SPPL3: variants seen among roughly 807,000 people sequenced by gnomAD.
SPPL3 encodes signal peptide peptidase-like 3.
SPPL3 carries 5 observed loss-of-function variants against 42.4 expected under a neutral mutation model. That is an observed-to-expected ratio of 0.12 (90% CI 0.06 to 0.25). The LOEUF (loss-of-function observed/expected upper bound fraction) is 0.25, where lower values mean the gene tolerates loss of function less well. Among genes scored for constraint, SPPL3 ranks in the 10% least tolerant of loss-of-function variants. The probability of loss-of-function intolerance (pLI) is 1.00; values close to 1 mark genes in which losing one functional copy is unlikely to be tolerated. For missense variants in SPPL3, 235 were observed against 489.0 expected (o/e 0.48, Z 4.90); for synonymous variants, 195 against 181.8 (o/e 1.07, Z -0.58).
rs527329471 is a variant in SPPL3, at chr12:120,807,333, T to C, written c.101+3476A>G. On this transcript the variant is annotated intron_variant, in intron 2 of 10. Coordinates refer to ENST00000353487, the MANE Select transcript of SPPL3 (RefSeq NM_139015.5). Reference sequence around the variant, plus strand: ...AAAATGGTTTAAATGGTACATTTTATGTTATATATATTTTACCACAATAAA... The same window carrying C: ...AAAATGGTTTAAATGGTACATTTTACGTTATATATATTTTACCACAATAAA... Among the ~76,000 whole-genome samples, 138 of 152,242 alleles carry C rather than the reference T, an allele frequency of 9.1e-4. No individual in the cohort carries two copies. The South Asian group carries it at 0.012, about 14-fold the overall frequency.
At chr12:120,823,228 G>GA (rs1166703015) in intron 1 of SPPL3, among the ~76,000 whole-genome samples, 6 of 126,642 alleles carry the variant, frequency 4.7e-5, no homozygotes, top group Admixed American at 4.1e-4. Flanking sequence ...GGGGTGGGGG[G>GA]GCGGCGGCGG....
At chr12:120,847,945 G>A (rs1454374701) in intron 1 of SPPL3, among the ~76,000 whole-genome samples, 1 of 152,074 alleles carries the variant, frequency 6.6e-6, no homozygotes, top group East Asian at 1.9e-4. Flanking sequence ...CACAAGTTTG[G>A]GGAGAGAGTG....
At chr12:120,765,136 T>TA in intron 10 of SPPL3, 66 bp from the exon 11 acceptor site, 14 of 1,515,306 alleles carry the variant, frequency 9.2e-6, no homozygotes, top group South Asian at 1.2e-5. Flanking sequence ...GTCTGATTCT[T>TA]TAAAAAAAAA....
chr12:120,784,151 C>A, intron 4 of SPPL3: 1 of 249,786 alleles, frequency 4.0e-6, no homozygotes. Context: ...GGCCTCTATG[C>A]CAAGCTCAAC....
chr12:120,842,685 G>C (rs1334867567), intron 1 of SPPL3, among the ~76,000 whole-genome samples: 1 of 151,866 alleles, frequency 6.6e-6, no homozygotes, highest in East Asian at 1.9e-4. Context: ...AGCACTTTTG[G>C]GCCTCTTTTA....
At chr12:120,898,935 T>C (rs765567748) in intron 1 of SPPL3, among the ~76,000 whole-genome samples, 9 of 152,238 alleles carry the variant, frequency 5.9e-5, no homozygotes, top group East Asian at 1.9e-4. Context: ...ATTAGTAATG[T>C]TGAGCAGGGG....
chr12:120,802,035 T>C, intron 2 of SPPL3, among the ~76,000 whole-genome samples: 1 of 152,122 alleles, frequency 6.6e-6, no homozygotes, highest in African/African-American at 2.4e-5. Flanking sequence ...TCTGGTTATA[T>C]TTGCCCTAAA....
chr12:120,772,057 C>A lies in SPPL3; in HGVS notation c.503-2998G>T, dbSNP rs141607978. ...TGTTTTTTTGAGACAGAGTTTTGCT[C>A]GTTGCCCAGGCTGCAGTACAATGGT... is the stretch of plus-strand genomic sequence containing the variant. On this transcript the variant is annotated intron_variant, in intron 6 of 10. Coordinates refer to ENST00000353487, the MANE Select transcript of SPPL3 (RefSeq NM_139015.5). Among the ~76,000 whole-genome samples, 3 of 152,172 alleles carry A rather than the reference C, an allele frequency of 2.0e-5. No individual in the cohort carries two copies. The East Asian group carries it at 5.8e-4, about 29-fold the overall frequency.
rs527448869 is a variant in SPPL3 at position 120,842,986 on chromosome 12, C to T, written c.24-32100G>A. On this transcript the variant is annotated intron_variant, in intron 1 of 10. Coordinates refer to ENST00000353487, the MANE Select transcript of SPPL3 (RefSeq NM_139015.5). The stretch of plus-strand genomic sequence containing the variant: ...CACATACAAAACAACTTCAACTATA[C>T]ATTTTGCACTATTTCTAGGTTGAAA... Among the ~76,000 whole-genome samples, 11 of 152,312 alleles carry T rather than the reference C, an allele frequency of 7.2e-5. No individual in the cohort carries two copies. In the South Asian group the frequency reaches 1.7e-3, roughly 23 times the overall value.
chr12:120,877,298 A>G (rs1200853909), intron 1 of SPPL3, among the ~76,000 whole-genome samples: 1 of 152,216 alleles, frequency 6.6e-6, no homozygotes, highest in African/African-American at 2.4e-5. Context: ...CCATTTGAAG[A>G]AAGAATTATC....
intron 1 of SPPL3, among the ~76,000 whole-genome samples, chr12:120,852,769 T>A (rs1327047319): frequency 6.3e-5 from 2 of 31,568 alleles, no homozygotes; most frequent in African/African-American, 1.3e-4. Context: ...TCTATGTATA[T>A]TATATATAAA....
intron 1 of SPPL3, among the ~76,000 whole-genome samples, chr12:120,867,754 A>T (rs1157658466): frequency 2.7e-5 from 4 of 150,644 alleles, no homozygotes; most frequent in African/African-American, 9.8e-5. Context: ...TTAAAAAAAA[A>T]TTTTTTTTTG....
rs892986664 is a variant in SPPL3, at chr12:120,808,096, T to G, written c.101+2713A>C. ...TTCTTAGTTTCTTTTCTTTTTTTTTTTTTTTTGTTTTTTGTTTTCTTGAAC... is the reference window on the plus strand; with the variant it reads ...TTCTTAGTTTCTTTTCTTTTTTTTTGTTTTTTGTTTTTTGTTTTCTTGAAC... On this transcript the variant is annotated intron_variant, in intron 2 of 10. Transcript: ENST00000353487. 7.2e-4 allele frequency among the ~76,000 whole-genome samples: 109 copies of G among 151,512 alleles called. 1 individual carries two copies. Among genetic ancestry groups the G allele is most frequent in the Admixed American group, 3.7e-3 (56 of 15,244 alleles).
intron 3 of SPPL3, among the ~76,000 whole-genome samples, chr12:120,786,816 G>A (rs1188145392): frequency 6.6e-6 from 1 of 152,092 alleles, no homozygotes; most frequent in Admixed American, 6.6e-5. Flanking sequence ...AAAGAAAGAG[G>A]TAATTAATTA....
chr12:120,890,062 A>G (rs768180368), intron 1 of SPPL3, among the ~76,000 whole-genome samples: 66 of 151,526 alleles, frequency 4.4e-4, no homozygotes, highest in Non-Finnish European at 8.1e-4. Flanking sequence ...ACTGACCAAC[A>G]TGGAGAAACC....
chr12:120,791,584 T>G (rs550988844), intron 2 of SPPL3, 27 bp from the exon 3 acceptor site: 1 of 1,504,176 alleles, frequency 6.6e-7, no homozygotes, highest in South Asian at 1.2e-5. Context: ...TGTAGTTAAG[T>G]TGTAGTTTTG....
At chr12:120,860,262 C>T (rs991877037) in intron 1 of SPPL3, among the ~76,000 whole-genome samples, 1 of 152,132 alleles carries the variant, frequency 6.6e-6, no homozygotes, top group Non-Finnish European at 1.5e-5. Flanking sequence ...GATTATATCA[C>T]ATTATCCAGA....
intron 2 of SPPL3, among the ~76,000 whole-genome samples, chr12:120,809,396 C>T (rs893991430): frequency 6.6e-6 from 1 of 151,886 alleles, no homozygotes; most frequent in African/African-American, 2.4e-5. Context: ...TGAAATTACC[C>T]GTAATATTTT....
At chr12:120,826,728 C>T (rs1037010340) in intron 1 of SPPL3, among the ~76,000 whole-genome samples, 1 of 152,094 alleles carries the variant, frequency 6.6e-6, no homozygotes, top group African/African-American at 2.4e-5. Flanking sequence ...TGATCTTTAG[C>T]TTCTCTAAAA....
Sources: gnomAD v4.1 joint callset for allele counts (sites outside exome capture counted in the v4.1 genomes callset) on GRCh38, gnomAD v4.1.1 for gene constraint, MANE v1.5 for transcripts, NCBI Gene and HGNC (gene_info 2026-07-23, HGNC 2026-07-21) for gene names.